CPA1: variants seen among roughly 807,000 people sequenced by gnomAD.
CPA1 encodes carboxypeptidase A1.
Under a neutral mutation model 48.7 loss-of-function variants are expected in CPA1, and 42 were observed. The observed-to-expected ratio is 0.86, with a 90% CI of 0.67 to 1.11. The LOEUF is 1.11. CPA1 is among the 50% of genes most tolerant of loss of function. The probability of loss-of-function intolerance (pLI) is 0.00; values close to 1 mark genes in which losing one functional copy is unlikely to be tolerated. For missense variants in CPA1, 477 were observed against 544.7 expected (o/e 0.88, Z 1.24); for synonymous variants, 203 against 217.9 (o/e 0.93, Z 0.60).
At position 130,383,375 on chromosome 7, in the gene CPA1, C is replaced by T. The variant is rs980976643; in HGVS notation, c.484-16C>T. ...CTGTGAAATTGCCTCTGATCACTCCCCTGCCTCCTCTCCAGTTCAGCACGG... is the reference window on the plus strand; with the variant it reads ...CTGTGAAATTGCCTCTGATCACTCCTCTGCCTCCTCTCCAGTTCAGCACGG... On this transcript the variant is annotated splice_polypyrimidine_tract_variant and intron_variant, in intron 4 of 9. Coordinates refer to ENST00000011292, the MANE Select transcript of CPA1 (RefSeq NM_001868.4). The T allele has an allele frequency of 3.7e-6, 6 of 1,610,552 alleles. No homozygotes were observed. Among genetic ancestry groups the T allele is most frequent in the South Asian group, 1.1e-5 (1 of 90,630 alleles).
At chr7:130,382,000 T>C (rs1238057004) in intron 3 of CPA1, 108 bp from the exon 4 acceptor site, 1 of 1,194,208 alleles carries the variant, frequency 8.4e-7, no homozygotes, top group Admixed American at 1.9e-5. Flanking sequence ...TGTGTGGTCG[T>C]AGCTCCATTG....
chr7:130,386,092 T>A, intron 9 of CPA1, 169 bp downstream of exon 9: 1 of 582,536 alleles, frequency 1.7e-6, no homozygotes, highest in South Asian at 2.3e-5. Context: ...TGACATGAAC[T>A]CTGCTTCCTT....
At chr7:130,385,750 A>G (rs2117506670) in intron 8 of CPA1, 89 bp from the exon 9 acceptor site, 1 of 1,041,304 alleles carries the variant, frequency 9.6e-7, no homozygotes, top group East Asian at 2.5e-5. Context: ...TGCTTCTCCT[A>G]GGCTCCCCTG....
intron 2 of CPA1, 77 bp downstream of exon 2, chr7:130,381,256 G>A: frequency 2.9e-6 from 3 of 1,024,018 alleles, no homozygotes; most frequent in Admixed American, 2.3e-5. Context: ...GCGGCCAACT[G>A]TGCCTGGGCT....
rs782250540 is a variant in CPA1, at chr7:130,381,840, G to A, written c.358G>A (p.Ala120Thr). The A allele has an allele frequency of 1.2e-5, 19 of 1,613,882 alleles. No homozygotes were observed. Among genetic ancestry groups the A allele is most frequent in the Admixed American group, 6.7e-5 (4 of 60,026 alleles). The change falls in exon 3 of 10, where the codon GCC becomes ACC. Residue 120 changes from alanine to threonine, a missense_variant. Physicochemically the swap from Ala to Thr is moderately conservative, Grantham distance 58 (BLOSUM62 0). Coordinates refer to ENST00000011292, the MANE Select transcript of CPA1 (RefSeq NM_001868.4). ...GCGCTCCACCGACACTTTTAACTAC[G>A]CCACCTACCACACCCTGGAGGAGGT... ...RARSTDTFNYATYHTLEEIYD... is the reference protein window; with the variant it reads ...RARSTDTFNYTTYHTLEEIYD...
chr7:130,385,729 C>A, intron 8 of CPA1, 110 bp from the exon 9 acceptor site: 1 of 815,574 alleles, frequency 1.2e-6, no homozygotes, highest in Non-Finnish European at 2.0e-6. Flanking sequence ...TGGAGGCCCA[C>A]TTCTGCAGGG....
intron 7 of CPA1, chr7:130,384,835 TAAG>T (rs1796452582): frequency 1.6e-6 from 1 of 613,538 alleles, no homozygotes; most frequent in Admixed American, 2.9e-5. Flanking sequence ...GCAAATGGGC[TAAG>T]GTCTGAAATC....
rs2268382 is a variant in CPA1 at position 130,387,196 on chromosome 7, A to C, written c.1073-628A>C. On this transcript the variant is annotated intron_variant, in intron 9 of 9. Transcript: ENST00000011292. This position sits in a 1 kb window ranked among gnomAD's most constrained non-coding sequence, Gnocchi z 4.6. ...AGGCCTTGGTGGGCAAGCAGGTCAC[A>C]ATCTTATCCAAGGTTGACCTCACTT... 0.39 allele frequency among the ~76,000 whole-genome samples: 58,775 copies of C among 151,994 alleles called. 11,804 individuals carry two copies. Among genetic ancestry groups the C allele is most frequent in the African/African-American group, 0.48 (19,988 of 41,434 alleles).
intron 6 of CPA1, 68 bp from the exon 7 acceptor site, chr7:130,384,467 AC>A: frequency 2.9e-6 from 4 of 1,375,978 alleles, no homozygotes; most frequent in Non-Finnish European, 4.1e-6. Flanking sequence ...CCTCTGAACC[AC>A]CCCCCACCCA....
At chr7:130,383,930 T>A in intron 6 of CPA1, 136 bp downstream of exon 6, 1 of 711,770 alleles carries the variant, frequency 1.4e-6, no homozygotes, top group Non-Finnish European at 2.5e-6. Flanking sequence ...GCCGAGGGTG[T>A]CTCAACAGTG....
rs1796416143 is a variant in CPA1, at chr7:130,382,216, T to G, written c.483+7T>G. 3 of 1,608,890 alleles carry G rather than the reference T, an allele frequency of 1.9e-6. No homozygotes were observed. The highest frequency in any genetic ancestry group is 2.6e-6 in the Non-Finnish European group (3 of 1,175,368). On this transcript the variant is annotated splice_region_variant and intron_variant, in intron 4 of 9. Coordinates refer to ENST00000011292, the MANE Select transcript of CPA1 (RefSeq NM_001868.4). ...TCCCATTTACGTGCTGAAGGTAACA[T>G]CCACATGTGGACATACACAGGGGAG...
rs782511286 is a variant in CPA1, at chr7:130,388,014, T to G, written c.*3T>G. 38 of 1,613,680 alleles carry G rather than the reference T, an allele frequency of 2.4e-5. No individual in the cohort carries two copies. The highest frequency in any genetic ancestry group is 2.8e-5 in the Non-Finnish European group (33 of 1,179,834). Reference sequence around the variant, plus strand: ...ACACCCTGAATCACCCCTACTGAGCTGACCCTTTGACACCCTTCTTGTCCT... The same window carrying G: ...ACACCCTGAATCACCCCTACTGAGCGGACCCTTTGACACCCTTCTTGTCCT... On this transcript the variant is annotated 3_prime_UTR_variant, in exon 10 of 10. Transcript: ENST00000011292.
In CPA1 at chr7:130,381,695, C is replaced by A; in HGVS notation, c.213C>A (p.Ser71Arg). ...TCGACGTCCGAGTGCCCTTCCCCAG[C>A]ATCCAGGCGGTCAAGATCTTTCTGG... ...SPIDVRVPFP[S>R]IQAVKIFLES... Residue 71 changes from serine to arginine, a missense_variant, in exon 3 of 10, where the codon AGC becomes AGA. Physicochemically the swap from Ser to Arg is moderately radical, Grantham distance 110. Coordinates refer to ENST00000011292, the MANE Select transcript of CPA1 (RefSeq NM_001868.4). 1.2e-6 allele frequency: 2 copies of A among 1,614,144 alleles called. No homozygotes were observed. Among genetic ancestry groups the A allele is most frequent in the South Asian group, 2.2e-5 (2 of 91,082 alleles).
intron 7 of CPA1, 26 bp from the exon 8 acceptor site, chr7:130,385,120 C>A (rs781816095): frequency 4.3e-6 from 7 of 1,611,638 alleles, no homozygotes; most frequent in Non-Finnish European, 5.9e-6. Context: ...AGGAGCCACA[C>A]CGCCATGCCC....
intron 9 of CPA1, 120 bp downstream of exon 9, chr7:130,386,043 T>A: frequency 1.3e-6 from 1 of 796,442 alleles, no homozygotes; most frequent in Non-Finnish European, 2.1e-6. Context: ...TGTCAACTGC[T>A]GGCAAGGGCT....
At chr7:130,385,029 A>G in intron 7 of CPA1, 117 bp from the exon 8 acceptor site, 1 of 1,018,676 alleles carries the variant, frequency 9.8e-7, no homozygotes, top group East Asian at 2.5e-5. Flanking sequence ...TCCTGAATCC[A>G]GGGGTGGGAG....
At chr7:130,380,775 G>A (rs1425043639) in intron 1 of CPA1, 190 bp downstream of exon 1, 3 of 534,608 alleles carry the variant, frequency 5.6e-6, no homozygotes, top group African/African-American at 3.9e-5. Flanking sequence ...ACAGTCTCCT[G>A]AGCCCTGGAG....
rs1287422454 is a variant in CPA1, at chr7:130,387,893, T to A, written c.1142T>A (p.Leu381His). ...QGIKYSFTFELRDTGRYGFLL... is the reference protein window; with the variant it reads ...QGIKYSFTFEHRDTGRYGFLL... ...ATCAAGTACTCCTTCACCTTCGAGCTCCGGGACACTGGGCGCTATGGCTTC... is the reference window on the plus strand; with the variant it reads ...ATCAAGTACTCCTTCACCTTCGAGCACCGGGACACTGGGCGCTATGGCTTC... Residue 381 changes from leucine to histidine, a missense_variant, in exon 10 of 10, where the codon CTC becomes CAC. Physicochemically the swap from Leu to His is moderately conservative, Grantham distance 99 (BLOSUM62 -3). Transcript: ENST00000011292. This position sits in a 1 kb window ranked among gnomAD's most constrained non-coding sequence, Gnocchi z 4.6. 2 of 1,614,048 alleles carry A rather than the reference T, an allele frequency of 1.2e-6. No homozygotes were observed. The highest frequency in any genetic ancestry group is 1.3e-5 in the African/African-American group (1 of 74,906).
At position 130,385,195 on chromosome 7, in the gene CPA1, T is replaced by C. The variant is rs1796457996; in HGVS notation, c.837T>C (p.Phe279=). The change falls in exon 8 of 10, where the codon TTT becomes TTC. Residue 279 remains phenylalanine, a synonymous_variant. Coordinates refer to ENST00000011292, the MANE Select transcript of CPA1 (RefSeq NM_001868.4). ...NPCSETYHGK[F]ANSEVEVKSI... is the part of the protein sequence containing the mutation. ...GCTCGGAGACTTACCACGGCAAGTTTGCCAATTCCGAAGTGGAGGTCAAGT... is the reference window on the plus strand; with the variant it reads ...GCTCGGAGACTTACCACGGCAAGTTCGCCAATTCCGAAGTGGAGGTCAAGT... 6.2e-7 allele frequency: 1 copy of C among 1,614,094 alleles called. No homozygotes were observed. Among genetic ancestry groups the C allele is most frequent in the South Asian group, 1.1e-5 (1 of 91,088 alleles).
Sources: gnomAD v4.1 joint callset for allele counts (sites outside exome capture counted in the v4.1 genomes callset) on GRCh38, gnomAD v4.1.1 for gene constraint, Gnocchi (gnomAD v3.1) non-coding constraint, MANE v1.5 for transcripts, NCBI Gene and HGNC (gene_info 2026-07-23, HGNC 2026-07-21) for gene names.